Variants in EHMT1 observed in about 807,000 individuals in gnomAD.
The protein encoded by EHMT1 is euchromatic histone lysine methyltransferase 1.
A neutral mutation model predicts 147.2 loss-of-function variants in EHMT1; 15 were observed. The ratio of observed to expected loss-of-function variants is 0.10; its 90% CI spans 0.07 to 0.16. The LOEUF (loss-of-function observed/expected upper bound fraction) is 0.16, where lower values mean the gene tolerates loss of function less well. Among genes scored for constraint, EHMT1 ranks in the 10% least tolerant of loss-of-function variants. The pLI is 1.00. For missense variants in EHMT1, 1,587 were observed against 1,772.4 expected, an observed-to-expected ratio of 0.90 and a Z score of 1.88; for synonymous variants, 795 against 709.6, an observed-to-expected ratio of 1.12 and a Z score of -1.91.
At chr9:137,719,745 G>A (rs1490185613) in intron 3 of EHMT1, among the ~76,000 whole-genome samples, 1 of 152,188 alleles carries the variant, frequency 6.6e-6, no homozygotes, top group African/African-American at 2.4e-5. Flanking sequence ...CTGTGTGCAC[G>A]TGCATCACGT....
At chr9:137,694,854 A>G (rs1253806445) in intron 1 of EHMT1, among the ~76,000 whole-genome samples, 2 of 152,194 alleles carry the variant, frequency 1.3e-5, no homozygotes, top group African/African-American at 4.8e-5. Context: ...TTGCAGGTAA[A>G]CCAGATTGTC....
chr9:137,728,483 G>C lies in EHMT1; in HGVS notation c.777G>C (p.Ser259=). 6.2e-7 allele frequency: 1 copy of C among 1,614,070 alleles called. No individual in the cohort carries two copies. Among genetic ancestry groups the C allele is most frequent in the Non-Finnish European group, 8.5e-7 (1 of 1,180,016 alleles). Residue 259 remains serine, a synonymous_variant, in exon 4 of 27, where the codon TCG becomes TCC. Coordinates refer to ENST00000460843, the MANE Select transcript of EHMT1 (RefSeq NM_024757.5). ...CCCCCTTCCCATCCCTTCATCAGTC[G>C]CTACCTCAGAACCAGTGCTACATGG... ...LLPPFPSLHQ[S]LPQNQCYMAT... is the part of the protein sequence containing the mutation.
At chr9:137,712,929 G>A (rs1005420229) in intron 2 of EHMT1, among the ~76,000 whole-genome samples, 4 of 151,870 alleles carry the variant, frequency 2.6e-5, no homozygotes, top group African/African-American at 4.8e-5. Flanking sequence ...TTAGGTTTTC[G>A]ATCAATTTTG....
chr9:137,830,110 T>C (rs1411470763), intron 25 of EHMT1, among the ~76,000 whole-genome samples: 1 of 145,100 alleles, frequency 6.9e-6, no homozygotes, highest in Non-Finnish European at 1.5e-5. Context: ...CTTTTTTTTT[T>C]TGTTTACATT....
rs1006271951 is a variant in EHMT1, at chr9:137,731,262, T to C, written c.823+2733T>C. Among the ~76,000 whole-genome samples, 1 of 152,206 alleles carries C rather than the reference T, an allele frequency of 6.6e-6. No individual in the cohort carries two copies. Among genetic ancestry groups the C allele is most frequent in the Non-Finnish European group, 1.5e-5 (1 of 68,032 alleles). ...GCACTGGAGGAGATGTGCTCGGCAG[T>C]TAGCTGCCTGCTGTGGTCCAGTGGT... On this transcript the variant is annotated intron_variant, in intron 4 of 26. Transcript: ENST00000460843. The surrounding 1 kb of genome is among the most constrained non-coding windows in gnomAD (Gnocchi z 4.3).
At chr9:137,661,454 A>G (rs187866247) in intron 1 of EHMT1, among the ~76,000 whole-genome samples, 31 of 148,228 alleles carry the variant, frequency 2.1e-4, no homozygotes, top group Admixed American at 1.3e-3. Context: ...ATACTTGAGT[A>G]TTGAATTTTA....
chr9:137,766,814 T>C (rs1406304477), intron 10 of EHMT1, among the ~76,000 whole-genome samples: 2 of 152,134 alleles, frequency 1.3e-5, no homozygotes, highest in African/African-American at 4.8e-5. Context: ...GCTCTTTTAA[T>C]AAAGAAAAAT....
chr9:137,645,677 C>G (rs1362998547), intron 1 of EHMT1, among the ~76,000 whole-genome samples: 1 of 152,064 alleles, frequency 6.6e-6, no homozygotes, highest in Non-Finnish European at 1.5e-5. Context: ...CACTCGATTC[C>G]AAATGGAATC....
intron 1 of EHMT1, among the ~76,000 whole-genome samples, chr9:137,692,883 C>A (rs1943063634): frequency 6.6e-6 from 1 of 151,980 alleles, no homozygotes. Context: ...GGGGTGAACA[C>A]GTGCGGGCAG....
chr9:137,813,300 GTT>G lies in EHMT1; in HGVS notation c.3036-84_3036-83del. The G allele has an allele frequency of 6.4e-7, 1 of 1,558,958 alleles. No individual in the cohort carries two copies. Among genetic ancestry groups the G allele is most frequent in the Non-Finnish European group, 8.6e-7 (1 of 1,157,950 alleles). ...GCAGTCCAAATTGTCAGGGCCAGGT[GTT>G]TGCCAGCCGCCCCACTGCACGCTGT... is the stretch of plus-strand genomic sequence containing the variant. On this transcript the variant is annotated intron_variant, in intron 20 of 26. Transcript: ENST00000460843. The surrounding 1 kb of genome is among the most constrained non-coding windows in gnomAD (Gnocchi z 4.9).
At chr9:137,742,406 T>C (rs1948179955) in intron 4 of EHMT1, among the ~76,000 whole-genome samples, 1 of 151,448 alleles carries the variant, frequency 6.6e-6, no homozygotes, top group African/African-American at 2.4e-5. Flanking sequence ...TCCCTCCCAC[T>C]CAAGCCTCCT....
chr9:137,831,766 G>A (rs1956202720), intron 25 of EHMT1, among the ~76,000 whole-genome samples: 1 of 152,230 alleles, frequency 6.6e-6, no homozygotes, highest in African/African-American at 2.4e-5. Context: ...CAAGCGTCAG[G>A]TCCCTTGAGT....
rs1049007180 is a variant in EHMT1 at position 137,775,736 on chromosome 9, T to C, written c.1791+484T>C. 6.6e-6 allele frequency among the ~76,000 whole-genome samples: 1 copy of C among 151,944 alleles called. No homozygotes were observed. Among genetic ancestry groups the C allele is most frequent in the African/African-American group, 2.4e-5 (1 of 41,366 alleles). ...GCTCCTGGGAGAGGTGGCAGCACCT[T>C]GCTGTGCCCTGGGCTGTTTCTGCTG... is the stretch of plus-strand genomic sequence containing the variant. On this transcript the variant is annotated intron_variant, in intron 11 of 26. Transcript: ENST00000460843. This position sits in a 1 kb window ranked among gnomAD's most constrained non-coding sequence, Gnocchi z 6.1.
intron 9 of EHMT1, among the ~76,000 whole-genome samples, chr9:137,760,805 C>T (rs551297397): frequency 3.3e-5 from 5 of 152,178 alleles, no homozygotes; most frequent in Non-Finnish European, 5.9e-5. Context: ...GTCAGGAGAT[C>T]GAGACCATCC....
intron 19 of EHMT1, among the ~76,000 whole-genome samples, chr9:137,812,177 A>G (rs1272423831): frequency 2.0e-5 from 3 of 152,144 alleles, no homozygotes; most frequent in Non-Finnish European, 2.9e-5. Flanking sequence ...CATCTCTACT[A>G]AAATACAAAA....
At chr9:137,805,098 ATG>A (rs1472837093) in intron 18 of EHMT1, among the ~76,000 whole-genome samples, 2 of 118,072 alleles carry the variant, frequency 1.7e-5, no homozygotes, top group East Asian at 2.0e-4. Flanking sequence ...GAGAGTCTGC[ATG>A]TGTGAGTCAG....
intron 2 of EHMT1, among the ~76,000 whole-genome samples, chr9:137,712,838 A>G (rs1356582370): frequency 6.6e-6 from 1 of 152,140 alleles, no homozygotes; most frequent in Non-Finnish European, 1.5e-5. Context: ...CTAAAACCTA[A>G]GAACTTACCA....
chr9:137,711,000 T>G lies in EHMT1; in HGVS notation c.55T>G (p.Cys19Gly). ...GGCGAGGGGGGAGCCTCAGCAGGAT[T>G]GCTGTGTGAAAACCGAGCTGCTGGG... ...VPARGEPQQD[C>G]CVKTELLGEE... Residue 19 changes from cysteine (C) to glycine (G), a missense_variant, in exon 2 of 27, where the codon TGC (cysteine) becomes GGC (glycine). This residue lies in a region of EHMT1 where 810 missense variants were observed against 673.0 expected (regional missense o/e 1.20). Coordinates refer to ENST00000460843, the MANE Select transcript of EHMT1 (RefSeq NM_024757.5). 1 of 1,599,618 alleles carries G rather than the reference T, an allele frequency of 6.3e-7. No homozygotes were observed. Among genetic ancestry groups the G allele is most frequent in the Non-Finnish European group, 8.5e-7 (1 of 1,173,726 alleles).
intron 18 of EHMT1, among the ~76,000 whole-genome samples, chr9:137,804,982 G>A (rs1953809415): frequency 6.6e-6 from 1 of 151,934 alleles, no homozygotes; most frequent in Non-Finnish European, 1.5e-5. Context: ...TCAGTCATCT[G>A]CATGTGTGTC....
Sources: allele counts gnomAD v4.1 joint callset (sites outside exome capture counted in the v4.1 genomes callset), GRCh38; gene constraint gnomAD v4.1.1; regional missense constraint gnomAD v4.1.1; non-coding constraint Gnocchi (gnomAD v3.1); transcripts MANE v1.5; gene names NCBI Gene and HGNC (gene_info 2026-07-23, HGNC 2026-07-21).